The following LGR4 variants were observed in gnomAD, a reference collection of about 807,000 sequenced individuals.
LGR4 encodes the protein leucine rich repeat containing G protein-coupled receptor 4.
LGR4 carries 44 observed loss-of-function variants against 84.8 expected under a neutral mutation model. The observed-to-expected ratio is 0.52, with a 90% confidence interval of 0.41 to 0.67. The LOEUF (loss-of-function observed/expected upper bound fraction) is 0.67. Among genes scored for constraint, LGR4 ranks in the 30% least tolerant of loss-of-function variants. The pLI is 0.00. For synonymous variants in LGR4, 429 were observed against 434.3 expected (o/e 0.99, Z 0.15); for missense variants, 1,032 against 1,131.4 (o/e 0.91, Z 1.26).
Position 27,384,397 on chromosome 11 carries a change from T to G in LGR4, c.628A>C (p.Asn210His), listed in dbSNP as rs1279169767. 1.9e-6 allele frequency: 3 copies of G among 1,608,144 alleles called. No homozygotes were observed. The Admixed American group carries it at 5.0e-5, about 27-fold the overall frequency. The change falls in exon 6 of 18, where the codon AAC becomes CAC. Residue 210 changes from asparagine to histidine, a missense_variant. By Grantham distance (68) the Asn-to-His change is moderately conservative. Coordinates refer to ENST00000379214, the MANE Select transcript of LGR4 (RefSeq NM_018490.5). ...LSSLVVLHLHNNKIRSLSQHC... is the reference protein window; with the variant it reads ...LSSLVVLHLHHNKIRSLSQHC... ...TGACTCAGGCTTCTAATTTTATTGT[T>G]ATGAAGATGCCTAAGGGGGAAAAAA...
intron 4 of LGR4, among the ~76,000 whole-genome samples, chr11:27,386,111 T>G (rs1455277956): frequency 6.6e-6 from 1 of 152,166 alleles, no homozygotes; most frequent in Admixed American, 6.5e-5. Flanking sequence ...TAACAGTTAT[T>G]AAGGTCAAAT....
chr11:27,425,601 G>A lies in LGR4; in HGVS notation c.186-12741C>T, dbSNP rs148931111. 1.5e-3 allele frequency among the ~76,000 whole-genome samples: 221 copies of A among 152,204 alleles called. 2 individuals are homozygous for A. The highest frequency in any genetic ancestry group is 5.0e-3 in the African/African-American group (206 of 41,540). ...GCCTCCCAAAGTGCTGGGATTATAG[G>A]AAGGAGCCACCATAACCAGCTCCAT... On this transcript the variant is annotated intron_variant, in intron 1 of 17. Transcript: ENST00000379214.
intron 2 of LGR4, among the ~76,000 whole-genome samples, chr11:27,409,201 C>T (rs554040806): frequency 4.1e-4 from 62 of 152,170 alleles, no homozygotes; most frequent in African/African-American, 1.3e-3. Flanking sequence ...ACATATCACT[C>T]ACAGTGTTCC....
Position 27,374,334 on chromosome 11 carries a change from AATGAT to A in LGR4, c.1182-293_1182-289del, listed in dbSNP as rs1185294470. On this transcript the variant is annotated intron_variant, in intron 13 of 17. Coordinates refer to ENST00000379214, the MANE Select transcript of LGR4 (RefSeq NM_018490.5). Reference sequence around the variant, plus strand: ...ATTCTGATACCAATTCAAACATATAAATGATATGATATAACCTTTGGTACTGCTAA... The same window carrying A: ...ATTCTGATACCAATTCAAACATATAAATGATATAACCTTTGGTACTGCTAA... Among the ~76,000 whole-genome samples, 8 of 152,312 alleles carry A rather than the reference AATGAT, an allele frequency of 5.3e-5. No homozygotes were observed. The South Asian group carries it at 1.2e-3, about 24-fold the overall frequency.
intron 1 of LGR4, among the ~76,000 whole-genome samples, chr11:27,457,553 A>G (rs925653534): frequency 6.6e-6 from 1 of 152,242 alleles, no homozygotes; most frequent in Non-Finnish European, 1.5e-5. Flanking sequence ...TATTGTGACT[A>G]TAAGTAATTG....
intron 9 of LGR4, 46 bp from the exon 10 acceptor site, chr11:27,380,385 A>T: frequency 7.0e-7 from 1 of 1,430,306 alleles, no homozygotes; most frequent in Non-Finnish European, 9.7e-7. Context: ...ATTTTTTTTC[A>T]TATTTTATGT....
At chr11:27,471,930 G>T in intron 1 of LGR4, 188 bp downstream of exon 1, 1 of 370,564 alleles carries the variant, frequency 2.7e-6, no homozygotes, top group Non-Finnish European at 4.7e-6. Context: ...CTAGCAAAGT[G>T]CGGAAAGCCC....
At chr11:27,445,650 G>A (rs1864377589) in intron 1 of LGR4, among the ~76,000 whole-genome samples, 1 of 152,120 alleles carries the variant, frequency 6.6e-6, no homozygotes, top group Admixed American at 6.5e-5. Context: ...AGGCCGAGTA[G>A]AAGGATGGTA....
chr11:27,380,507 C>A, intron 9 of LGR4, 133 bp downstream of exon 9: 1 of 759,884 alleles, frequency 1.3e-6, no homozygotes, highest in South Asian at 2.1e-5. Flanking sequence ...AAAATAAGAA[C>A]AATTATAAAT....
At chr11:27,416,904 A>G (rs184199426) in intron 1 of LGR4, among the ~76,000 whole-genome samples, 84 of 152,302 alleles carry the variant, frequency 5.5e-4, no homozygotes, top group Non-Finnish European at 8.8e-5. Context: ...GTATCTACAG[A>G]GTAAAGAATA....
intron 2 of LGR4, among the ~76,000 whole-genome samples, chr11:27,399,137 C>T (rs1863448463): frequency 6.6e-6 from 1 of 152,144 alleles, no homozygotes; most frequent in Non-Finnish European, 1.5e-5. Flanking sequence ...TCTCAAACTC[C>T]TGACCTCAGG....
chr11:27,376,376 T>TA lies in LGR4; in HGVS notation c.1110-7dup. 2 of 1,440,902 alleles carry TA rather than the reference T, an allele frequency of 1.4e-6. No individual in the cohort carries two copies. Among genetic ancestry groups the TA allele is most frequent in the African/African-American group, 2.9e-5 (2 of 68,286 alleles). The allele number at this position is 1,440,902 out of a possible 1,614,324, so 89.3% of individuals were successfully genotyped here. On this transcript the variant is annotated splice_polypyrimidine_tract_variant and splice_region_variant and intron_variant, in intron 12 of 17. Transcript: ENST00000379214. The stretch of plus-strand genomic sequence containing the variant: ...TTTGATTACGCTGTAAAGAACTAAA[T>TA]AAAAAAAGAAGAAGAAAGAAGACGA...
At chr11:27,432,694 T>C (rs533181670) in intron 1 of LGR4, among the ~76,000 whole-genome samples, 1 of 152,176 alleles carries the variant, frequency 6.6e-6, no homozygotes, top group South Asian at 2.1e-4. Context: ...GGACCCCCCA[T>C]TGCTTCTGGA....
At chr11:27,432,029 T>C (rs930816102) in intron 1 of LGR4, among the ~76,000 whole-genome samples, 1 of 151,968 alleles carries the variant, frequency 6.6e-6, no homozygotes, top group African/African-American at 2.4e-5. Flanking sequence ...TGTCACATCC[T>C]GCCGGTTATT....
chr11:27,452,623 G>GTTTT (rs557477166), intron 1 of LGR4, among the ~76,000 whole-genome samples: 21 of 119,334 alleles, frequency 1.8e-4, no homozygotes, highest in South Asian at 2.7e-4. Context: ...AACTTTTTGA[G>GTTTT]TTTTTTTTTT....
chr11:27,427,053 C>G (rs1864035100), intron 1 of LGR4, among the ~76,000 whole-genome samples: 1 of 152,066 alleles, frequency 6.6e-6, no homozygotes. Context: ...TGTACCTAAC[C>G]AAAGAAATGC....
chr11:27,432,750 T>C (rs1478495460), intron 1 of LGR4, among the ~76,000 whole-genome samples: 2 of 152,164 alleles, frequency 1.3e-5, no homozygotes, highest in African/African-American at 4.8e-5. Context: ...ATTGAGATTC[T>C]CCATCAGTTA....
intron 2 of LGR4, among the ~76,000 whole-genome samples, chr11:27,403,605 T>G (rs770970814): frequency 1.3e-5 from 2 of 152,194 alleles, no homozygotes; most frequent in Admixed American, 6.5e-5. Context: ...AAGGCAGATA[T>G]AGCATAAGTG....
rs139504789 is a variant in LGR4 at position 27,409,716 on chromosome 11, G to A, written c.257+3073C>T. Among the ~76,000 whole-genome samples, 521 of 152,036 alleles carry A rather than the reference G, an allele frequency of 3.4e-3. 1 individual carries two copies. The highest frequency in any genetic ancestry group is 6.8e-3 in the Middle Eastern group (2 of 294). ...GTCATAACAAGACACAACTTTATGC[G>A]TCCTAAAACTTCTGAAATTTTCTAT... On this transcript the variant is annotated intron_variant, in intron 2 of 17. Coordinates refer to ENST00000379214, the MANE Select transcript of LGR4 (RefSeq NM_018490.5).
Sources: gnomAD v4.1 joint callset for allele counts (sites outside exome capture counted in the v4.1 genomes callset) on GRCh38, gnomAD v4.1.1 for gene constraint, MANE v1.5 for transcripts, NCBI Gene and HGNC (gene_info 2026-07-23, HGNC 2026-07-21) for gene names.